TNFSF4: variants seen among roughly 807,000 people sequenced by gnomAD.
The protein encoded by TNFSF4 is TNF superfamily member 4, also known as tumor necrosis factor ligand superfamily member 4.
In TNFSF4, 4 loss-of-function variants were observed where a neutral mutation model predicts 7.3. The ratio of observed to expected loss-of-function variants is 0.55; its 90% confidence interval spans 0.27 to 1.25. The LOEUF (loss-of-function observed/expected upper bound fraction) is 1.25, where lower values mean the gene tolerates loss of function less well. Among genes scored for constraint, TNFSF4 ranks in the 50% most tolerant of loss-of-function variants. The pLI is 0.12. For synonymous variants in TNFSF4, 76 were observed against 83.7 expected, an observed-to-expected ratio of 0.91 and a Z score of 0.50; for missense variants, 181 against 208.8, an observed-to-expected ratio of 0.87 and a Z score of 0.82.
At chr1:173,374,738 C>T in the TNFSF4 span, among the ~76,000 whole-genome samples, 1 of 152,172 alleles carries the variant, frequency 6.6e-6, no homozygotes, top group Non-Finnish European at 1.5e-5. Context: ...ACTAACCATA[C>T]TCTTTGCAGT....
At chr1:173,206,765 C>A (rs1650211578) in intron 1 of TNFSF4, among the ~76,000 whole-genome samples, 4 of 152,132 alleles carry the variant, frequency 2.6e-5, no homozygotes, top group Admixed American at 2.6e-4. Flanking sequence ...AGGAATCTTG[C>A]ATTGCAAAGA....
chr1:173,356,935 T>C, the TNFSF4 span, among the ~76,000 whole-genome samples: 1 of 152,166 alleles, frequency 6.6e-6, no homozygotes, highest in Non-Finnish European at 1.5e-5. Context: ...GGCAGAGCAG[T>C]GTTTCTGTAT....
chr1:173,410,994 C>T, the TNFSF4 span, among the ~76,000 whole-genome samples: 14 of 152,200 alleles, frequency 9.2e-5, no homozygotes, highest in African/African-American at 3.4e-4. Flanking sequence ...ATGAAGGCCT[C>T]TCATGCTTCT....
chr1:173,411,219 T>C, the TNFSF4 span, among the ~76,000 whole-genome samples: 1 of 152,108 alleles, frequency 6.6e-6, no homozygotes, highest in Non-Finnish European at 1.5e-5. Flanking sequence ...CAGTCATCAC[T>C]CATCACCAGC....
At chr1:173,392,301 T>C in the TNFSF4 span, among the ~76,000 whole-genome samples, 9 of 152,160 alleles carry the variant, frequency 5.9e-5, no homozygotes, top group Admixed American at 2.6e-4. Context: ...TAAATGTGAA[T>C]AAACACAGTA....
At chr1:173,439,268 C>A in the TNFSF4 span, among the ~76,000 whole-genome samples, 1 of 152,262 alleles carries the variant, frequency 6.6e-6, no homozygotes, top group Non-Finnish European at 1.5e-5. Context: ...GTCAGCAGAA[C>A]TCCTCGCTCC....
chr1:173,410,376 C>T, the TNFSF4 span, among the ~76,000 whole-genome samples: 8 of 152,130 alleles, frequency 5.3e-5, no homozygotes, highest in Middle Eastern at 3.2e-3. Flanking sequence ...TCTAAATTTG[C>T]GGTTCAACAA....
chr1:173,361,738 G>A, the TNFSF4 span, among the ~76,000 whole-genome samples: 1 of 152,054 alleles, frequency 6.6e-6, no homozygotes, highest in Non-Finnish European at 1.5e-5. Flanking sequence ...ACTTTCCTTG[G>A]GTCTACGGAC....
the TNFSF4 span, among the ~76,000 whole-genome samples, chr1:173,277,602 A>G: frequency 6.6e-6 from 1 of 152,162 alleles, no homozygotes; most frequent in African/African-American, 2.4e-5. Context: ...GTGACTCACA[A>G]GGGTGGCTAG....
At chr1:173,407,280 A>C in the TNFSF4 span, among the ~76,000 whole-genome samples, 1 of 152,236 alleles carries the variant, frequency 6.6e-6, no homozygotes, top group East Asian at 1.9e-4. Flanking sequence ...CAGAAAAAGA[A>C]GTTACAAATC....
the TNFSF4 span, among the ~76,000 whole-genome samples, chr1:173,348,814 A>G: frequency 6.6e-6 from 1 of 152,234 alleles, no homozygotes; most frequent in Non-Finnish European, 1.5e-5. Flanking sequence ...ATGTAACCAT[A>G]GAACCAGGCA....
the TNFSF4 span, among the ~76,000 whole-genome samples, chr1:173,291,488 A>G: frequency 6.6e-6 from 1 of 152,200 alleles, no homozygotes; most frequent in East Asian, 1.9e-4. Flanking sequence ...TCATTGGGAC[A>G]CAGTTAAAGC....
the TNFSF4 span, among the ~76,000 whole-genome samples, chr1:173,395,041 A>AGAT: frequency 2.3e-3 from 205 of 88,752 alleles, no homozygotes; most frequent in African/African-American, 4.2e-3. Flanking sequence ...GATAGATGAT[A>AGAT]GATAGATAGA....
chr1:173,273,178 T>C, the TNFSF4 span, among the ~76,000 whole-genome samples: 7 of 152,280 alleles, frequency 4.6e-5, no homozygotes, highest in South Asian at 1.5e-3. Context: ...AAGTTATCCA[T>C]TTGTAAACTA....
At chr1:173,217,255 G>A in the TNFSF4 span, among the ~76,000 whole-genome samples, 37 of 152,262 alleles carry the variant, frequency 2.4e-4, no homozygotes, top group East Asian at 4.6e-3. Flanking sequence ...CTCAACACAT[G>A]AACAGAATAG....
the TNFSF4 span, among the ~76,000 whole-genome samples, chr1:173,277,693 C>A: frequency 6.6e-6 from 1 of 152,084 alleles, no homozygotes; most frequent in Non-Finnish European, 1.5e-5. Flanking sequence ...CCAGGCAATG[C>A]TAATAATAAT....
the TNFSF4 span, among the ~76,000 whole-genome samples, chr1:173,255,963 G>A: frequency 1.3e-5 from 2 of 152,164 alleles, no homozygotes; most frequent in African/African-American, 4.8e-5. Context: ...GAGAAAGGTG[G>A]AAGTGGAAAA....
At chr1:173,449,552 C>A in the TNFSF4 span, among the ~76,000 whole-genome samples, 2 of 151,960 alleles carry the variant, frequency 1.3e-5, no homozygotes, top group African/African-American at 4.8e-5. Context: ...CGGGGTTTTG[C>A]CATGTTGCTG....
the TNFSF4 span, among the ~76,000 whole-genome samples, chr1:173,401,149 G>A: frequency 6.6e-6 from 1 of 152,222 alleles, no homozygotes; most frequent in East Asian, 1.9e-4. Context: ...TAAGTTATAA[G>A]ATTTCAAGAA....
Sources: allele counts gnomAD v4.1 joint callset (sites outside exome capture counted in the v4.1 genomes callset), GRCh38; gene constraint gnomAD v4.1.1; transcripts MANE v1.5; gene names NCBI Gene and HGNC (gene_info 2026-07-23, HGNC 2026-07-21).